The following ARHGEF10L variants were observed in gnomAD, a reference collection of about 807,000 sequenced individuals.
The protein encoded by ARHGEF10L is rho guanine nucleotide exchange factor 10-like protein.
In ARHGEF10L, 69 loss-of-function variants were observed where a neutral mutation model predicts 141.2. That is an observed-to-expected ratio of 0.49 (90% CI 0.40 to 0.60). The LOEUF (loss-of-function observed/expected upper bound fraction) is 0.60. Among genes scored for constraint, ARHGEF10L ranks in the 20% least tolerant of loss-of-function variants. The pLI is 0.00. For synonymous variants in ARHGEF10L, 711 were observed against 718.5 expected (o/e 0.99, Z 0.17); for missense variants, 1,482 against 1,734.3 (o/e 0.85, Z 2.58).
At chr1:17,650,446 A>T (rs2061848209) in intron 22 of ARHGEF10L, among the ~76,000 whole-genome samples, 1 of 151,896 alleles carries the variant, frequency 6.6e-6, no homozygotes, top group African/African-American at 2.4e-5. Flanking sequence ...AAAGGACTGG[A>T]TGTCGGCTGG....
intron 27 of ARHGEF10L, among the ~76,000 whole-genome samples, chr1:17,688,519 C>A (rs901086670): frequency 2.0e-5 from 3 of 152,238 alleles, no homozygotes; most frequent in African/African-American, 7.2e-5. Context: ...GAGAGACTGA[C>A]CTGCGGCCAG....
At chr1:17,599,536 C>T (rs918635367) in intron 4 of ARHGEF10L, among the ~76,000 whole-genome samples, 4 of 152,098 alleles carry the variant, frequency 2.6e-5, no homozygotes, top group East Asian at 3.9e-4. Flanking sequence ...TGAGCAATTC[C>T]GAGCAACTGA....
the ARHGEF10L span, among the ~76,000 whole-genome samples, chr1:17,528,152 G>A: frequency 1.3e-5 from 2 of 151,882 alleles, no homozygotes; most frequent in East Asian, 1.9e-4. Context: ...GAGCCACTGC[G>A]CCTGTCCCTT....
chr1:17,537,618 T>C (rs1369926294), upstream of ARHGEF10L, among the ~76,000 whole-genome samples: 6 of 152,050 alleles, frequency 3.9e-5, no homozygotes, highest in African/African-American at 7.2e-5. Context: ...ATTCTGGGCC[T>C]TGTGTTGGTT....
chr1:17,594,410 C>G (rs1016645159), intron 4 of ARHGEF10L, among the ~76,000 whole-genome samples: 77 of 152,182 alleles, frequency 5.1e-4, no homozygotes, highest in Non-Finnish European at 7.1e-4. Flanking sequence ...TGGTTTGGAT[C>G]CCGCCTGCCC....
At chr1:17,531,682 C>A in the ARHGEF10L span, among the ~76,000 whole-genome samples, 7 of 152,024 alleles carry the variant, frequency 4.6e-5, no homozygotes, top group Non-Finnish European at 1.0e-4. Flanking sequence ...CCACAGAGGG[C>A]AAGGGAGTAG....
chr1:17,638,189 G>A (rs536025628), intron 19 of ARHGEF10L, among the ~76,000 whole-genome samples, 186 bp downstream of exon 19: 5 of 152,342 alleles, frequency 3.3e-5, no homozygotes, highest in Admixed American at 6.5e-5. Context: ...TCTCTTTTGC[G>A]GCCGCTGGTT....
At position 17,661,365 on chromosome 1, in the gene ARHGEF10L, A is replaced by C. The variant is rs111635463; in HGVS notation, c.2861-3082A>C. Among the ~76,000 whole-genome samples, 55 of 152,358 alleles carry C rather than the reference A, an allele frequency of 3.6e-4. 1 individual carries two copies. The highest frequency in any genetic ancestry group is 1.6e-4 in the Non-Finnish European group (11 of 68,034). On this transcript the variant is annotated intron_variant, in intron 25 of 28. Transcript: ENST00000361221. The stretch of plus-strand genomic sequence containing the variant: ...AGTGTTGGGATTACAGGCGTGAGCC[A>C]CCGTACCCGGCCTTTATGAGTTTTT...
chr1:17,694,578 G>C, intron 27 of ARHGEF10L: 1 of 232,424 alleles, frequency 4.3e-6, no homozygotes, highest in African/African-American at 2.4e-5. Context: ...CCACCAGCGA[G>C]TTTTGTGCTT....
At chr1:17,606,797 A>G (rs1271039502) in intron 6 of ARHGEF10L, among the ~76,000 whole-genome samples, 7 of 152,198 alleles carry the variant, frequency 4.6e-5, no homozygotes. Context: ...AAGATCCCCC[A>G]GTGACGGAGC....
chr1:17,537,897 A>C (rs1406145556), upstream of ARHGEF10L, among the ~76,000 whole-genome samples: 1 of 149,734 alleles, frequency 6.7e-6, no homozygotes, highest in Non-Finnish European at 1.5e-5. Context: ...AAAAAAAATG[A>C]GCCAGGCATG....
rs1029432093 is a variant in ARHGEF10L at position 17,654,575 on chromosome 1, A to G, written c.2395-61A>G. The G allele has an allele frequency of 1.4e-6, 2 of 1,474,728 alleles. No homozygotes were observed. The highest frequency in any genetic ancestry group is 1.9e-6 in the Non-Finnish European group (2 of 1,053,132). 91.4% of individuals were successfully genotyped at this position (1,474,728 alleles called of 1,614,324 possible). A position where few individuals can be genotyped will look rare whatever the true frequency, so the allele number is the denominator to read the frequency against. On this transcript the variant is annotated intron_variant, in intron 22 of 28. Coordinates refer to ENST00000361221, the MANE Select transcript of ARHGEF10L (RefSeq NM_018125.4). The surrounding 1 kb of genome is among the most constrained non-coding windows in gnomAD (Gnocchi z 4.3). Reference sequence around the variant, plus strand: ...GTTGGATGGGGCCCAGGAATCTGCCAAATATTGGCATCTGGGCACCTTGAT... The same window carrying G: ...GTTGGATGGGGCCCAGGAATCTGCCGAATATTGGCATCTGGGCACCTTGAT...
the ARHGEF10L span, among the ~76,000 whole-genome samples, chr1:17,531,963 C>T: frequency 6.6e-6 from 1 of 152,104 alleles, no homozygotes; most frequent in Non-Finnish European, 1.5e-5. Context: ...CCAGGCCCTC[C>T]TGCCACAGCC....
chr1:17,548,807 C>G (rs951784567), intron 1 of ARHGEF10L, among the ~76,000 whole-genome samples: 2 of 150,742 alleles, frequency 1.3e-5, no homozygotes, highest in Admixed American at 1.3e-4. Context: ...CACCACCACA[C>G]TCAGCTAATT....
In ARHGEF10L at chr1:17,619,656, G is replaced by A. The variant is rs754191052; in HGVS notation, c.942+211G>A. ...CTTTCTACCCCGTGTGCTCTGTGCT[G>A]TTGGTTTTGGGGGGTGGGCTCCCGG... On this transcript the variant is annotated intron_variant, in intron 10 of 28. Transcript: ENST00000361221. The surrounding 1 kb of genome is among the most constrained non-coding windows in gnomAD (Gnocchi z 5.0). Among the ~76,000 whole-genome samples the A allele has an allele frequency of 6.6e-6, 1 of 152,182 alleles. No homozygotes were observed. The highest frequency in any genetic ancestry group is 1.5e-5 in the Non-Finnish European group (1 of 68,020).
At chr1:17,672,456 A>G (rs1425685618) in intron 26 of ARHGEF10L, among the ~76,000 whole-genome samples, 1 of 152,132 alleles carries the variant, frequency 6.6e-6, no homozygotes, top group Non-Finnish European at 1.5e-5. Context: ...AGGCCCTCCC[A>G]GCGCCCAGGA....
rs1444703898 is a variant in ARHGEF10L at position 17,656,610 on chromosome 1, G to A, written c.2762G>A (p.Ser921Asn). ...ACCCAGTGCCTGGTGAGCTGCAGGA[G>A]CCCAGGTCTGCAGCCTGTGCTCTGC... ...TGTQCLVSCR[S>N]PGLQPVLCLR... The change falls in exon 25 of 29, where the codon AGC becomes AAC. Residue 921 changes from serine to asparagine, a missense_variant. This residue lies in a region of ARHGEF10L where 858 missense variants were observed against 966.3 expected (regional missense o/e 0.89). Transcript: ENST00000361221. This position sits in a 1 kb window ranked among gnomAD's most constrained non-coding sequence, Gnocchi z 4.9. 6.2e-7 allele frequency: 1 copy of A among 1,613,094 alleles called. No homozygotes were observed. The highest frequency in any genetic ancestry group is 1.7e-5 in the Admixed American group (1 of 59,952).
intron 26 of ARHGEF10L, among the ~76,000 whole-genome samples, chr1:17,685,871 C>T (rs188214674): frequency 1.3e-5 from 2 of 152,226 alleles, no homozygotes; most frequent in African/African-American, 4.8e-5. Flanking sequence ...CAGGTTGGAT[C>T]TCAAATAAAT....
rs1173939615 is a variant in ARHGEF10L, at chr1:17,615,256, TG to T, written c.727-834del. On this transcript the variant is annotated intron_variant, in intron 8 of 28. Coordinates refer to ENST00000361221, the MANE Select transcript of ARHGEF10L (RefSeq NM_018125.4). This position sits in a 1 kb window ranked among gnomAD's most constrained non-coding sequence, Gnocchi z 4.7. The stretch of plus-strand genomic sequence containing the variant: ...CTGGAGAAGATGCGGGTGCTAGGGC[TG>T]GGGCTTGGGAGGACAAAGGACTGGC... 1 of 152,312 alleles carries T rather than the reference TG, an allele frequency of 6.6e-6. No individual in the cohort carries two copies. The highest frequency in any genetic ancestry group is 2.4e-5 in the African/African-American group (1 of 41,452). The allele number at this position is 152,312 out of a possible 1,614,324, so 9.4% of individuals were successfully genotyped here.
Sources: gnomAD v4.1 joint callset for allele counts (sites outside exome capture counted in the v4.1 genomes callset) on GRCh38, gnomAD v4.1.1 for gene constraint, gnomAD v4.1.1 regional missense constraint, Gnocchi (gnomAD v3.1) non-coding constraint, MANE v1.5 for transcripts, NCBI Gene and HGNC (gene_info 2026-07-23, HGNC 2026-07-21) for gene names.